Variants in CADPS observed in about 807,000 individuals in gnomAD.
CADPS encodes calcium dependent secretion activator, also known as calcium-dependent secretion activator 1.
CADPS carries 57 observed loss-of-function variants against 167.3 expected under a neutral mutation model. The ratio of observed to expected loss-of-function variants is 0.34; its 90% CI spans 0.28 to 0.42. The LOEUF (loss-of-function observed/expected upper bound fraction) is 0.42. Among genes scored for constraint, CADPS ranks in the 20% least tolerant of loss-of-function variants. CADPS has a pLI of 1.00. For synonymous variants in CADPS, 676 were observed against 635.3 expected, an observed-to-expected ratio of 1.06 and a Z score of -0.96; for missense variants, 1,414 against 1,738.1, an observed-to-expected ratio of 0.81 and a Z score of 3.32.
intron 18 of CADPS, chr3:62,498,065 T>C: frequency 2.2e-6 from 1 of 454,178 alleles, no homozygotes. Flanking sequence ...CCAGGAAAAG[T>C]CCCATTAGAA....
At chr3:62,539,782 A>G (rs753559962) in intron 11 of CADPS, among the ~76,000 whole-genome samples, 1 of 152,140 alleles carries the variant, frequency 6.6e-6, no homozygotes, top group Non-Finnish European at 1.5e-5. Flanking sequence ...TGGCATATTT[A>G]TATACTACAT....
intron 27 of CADPS, among the ~76,000 whole-genome samples, chr3:62,441,509 T>C (rs952507212): frequency 2.0e-5 from 3 of 152,158 alleles, no homozygotes; most frequent in Non-Finnish European, 4.4e-5. Flanking sequence ...AACAAAGACA[T>C]ATGCTTTGGG....
chr3:62,778,599 G>C (rs1401680030), intron 1 of CADPS, among the ~76,000 whole-genome samples: 1 of 152,108 alleles, frequency 6.6e-6, no homozygotes, highest in Non-Finnish European at 1.5e-5. Context: ...TTTAATGTCT[G>C]TCTTGCATCA....
chr3:62,773,483 C>T (rs763947006), intron 1 of CADPS, among the ~76,000 whole-genome samples: 1 of 151,730 alleles, frequency 6.6e-6, no homozygotes, highest in African/African-American at 2.4e-5. Context: ...GGGAGAATTA[C>T]GATGAGGCTG....
intron 3 of CADPS, among the ~76,000 whole-genome samples, chr3:62,749,523 C>A (rs1371712012): frequency 2.0e-5 from 3 of 152,156 alleles, no homozygotes; most frequent in Non-Finnish European, 2.9e-5. Context: ...CCAGAAAATA[C>A]AAAATTAAAC....
At chr3:62,743,517 C>T (rs771011506) in intron 3 of CADPS, among the ~76,000 whole-genome samples, 41 of 152,112 alleles carry the variant, frequency 2.7e-4, no homozygotes, top group African/African-American at 8.4e-4. Flanking sequence ...CTCCAAAGAA[C>T]AACTTTTTAA....
chr3:62,635,037 C>T (rs1038479072), intron 6 of CADPS, among the ~76,000 whole-genome samples: 2 of 152,156 alleles, frequency 1.3e-5, no homozygotes, highest in Non-Finnish European at 1.5e-5. Context: ...TTACAAATGA[C>T]AAAAATTACA....
Position 62,465,533 on chromosome 3 carries a change from A to C in CADPS, c.3553-83T>G. On this transcript the variant is annotated intron_variant, in intron 25 of 29. Coordinates refer to ENST00000383710, the MANE Select transcript of CADPS (RefSeq NM_003716.4). This position sits in a 1 kb window ranked among gnomAD's most constrained non-coding sequence, Gnocchi z 4.1. ...AAGCACATCATTTCCCCACCACATAAAGGCTGGGATCGAGCCCTCCGTTCA... is the reference window on the plus strand; with the variant it reads ...AAGCACATCATTTCCCCACCACATACAGGCTGGGATCGAGCCCTCCGTTCA... 6 of 939,806 alleles carry C rather than the reference A, an allele frequency of 6.4e-6. No homozygotes were observed. Among genetic ancestry groups the C allele is most frequent in the Non-Finnish European group, 9.8e-6 (6 of 610,804 alleles). 58.2% of individuals were successfully genotyped at this position (939,806 alleles called of 1,614,324 possible). A position where few individuals can be genotyped will look rare whatever the true frequency, so the allele number is the denominator to read the frequency against.
intron 26 of CADPS, among the ~76,000 whole-genome samples, chr3:62,462,088 C>T (rs1576378471): frequency 6.6e-6 from 1 of 152,242 alleles, no homozygotes; most frequent in Admixed American, 6.5e-5. Flanking sequence ...AAAAGAACAG[C>T]GAGTGGCTAC....
chr3:62,497,445 T>C (rs1039538966), intron 18 of CADPS, among the ~76,000 whole-genome samples: 1 of 152,306 alleles, frequency 6.6e-6, no homozygotes, highest in East Asian at 1.9e-4. Context: ...TGGAGATGAC[T>C]TTGTAGACAC....
intron 11 of CADPS, among the ~76,000 whole-genome samples, chr3:62,540,679 A>G (rs1372544196): frequency 1.3e-5 from 2 of 152,172 alleles, no homozygotes; most frequent in Admixed American, 1.3e-4. Context: ...TATGTTGTCT[A>G]TTTTAAAATA....
In CADPS at chr3:62,535,474, T is replaced by C. The variant is rs575010189; in HGVS notation, c.2103+971A>G. On this transcript the variant is annotated intron_variant, in intron 12 of 29. Coordinates refer to ENST00000383710, the MANE Select transcript of CADPS (RefSeq NM_003716.4). ...AAATAAAAATTAGAAAAAAGAAAGA[T>C]TGTCATTATACATATTAGTATCAAT... Among the ~76,000 whole-genome samples, 5 of 151,888 alleles carry C rather than the reference T, an allele frequency of 3.3e-5. No homozygotes were observed. The South Asian group carries it at 8.3e-4, about 25-fold the overall frequency.
At chr3:62,505,145 C>G (rs536479199) in intron 17 of CADPS, among the ~76,000 whole-genome samples, 1 of 152,272 alleles carries the variant, frequency 6.6e-6, no homozygotes, top group East Asian at 1.9e-4. Flanking sequence ...ATCCTGAATA[C>G]CCAGCTTCCC....
chr3:62,822,352 G>A (rs1178178675), intron 1 of CADPS, among the ~76,000 whole-genome samples: 1 of 152,092 alleles, frequency 6.6e-6, no homozygotes, highest in Admixed American at 6.5e-5. Flanking sequence ...TTCCATGTTA[G>A]ATTATACACT....
At chr3:62,845,254 G>C (rs1009038233) in intron 1 of CADPS, among the ~76,000 whole-genome samples, 1 of 152,156 alleles carries the variant, frequency 6.6e-6, no homozygotes, top group Non-Finnish European at 1.5e-5. Context: ...TTCTGTATTG[G>C]AAGACCGAGC....
chr3:62,495,601 T>G (rs2064578945), intron 18 of CADPS, among the ~76,000 whole-genome samples: 1 of 152,180 alleles, frequency 6.6e-6, no homozygotes, highest in Non-Finnish European at 1.5e-5. Context: ...GATGTGTGCT[T>G]TAGGGGTACA....
At chr3:62,551,707 T>C (rs2077345647) in intron 10 of CADPS, among the ~76,000 whole-genome samples, 1 of 152,180 alleles carries the variant, frequency 6.6e-6, no homozygotes, top group African/African-American at 2.4e-5. Context: ...ACTCACTTCA[T>C]TGCAGCCACA....
At chr3:62,725,957 C>A (rs2076674589) in intron 3 of CADPS, among the ~76,000 whole-genome samples, 1 of 151,792 alleles carries the variant, frequency 6.6e-6, no homozygotes, top group African/African-American at 2.4e-5. Context: ...TTGCTAGAAC[C>A]TGCCAGAGTC....
intron 27 of CADPS, chr3:62,440,585 G>A (rs1202556444): frequency 6.7e-6 from 1 of 149,534 alleles, no homozygotes; most frequent in African/African-American, 2.5e-5. Flanking sequence ...GGGCCTCAGA[G>A]GAGCCAACGT....
Sources: allele counts gnomAD v4.1 joint callset (sites outside exome capture counted in the v4.1 genomes callset), GRCh38; gene constraint gnomAD v4.1.1; non-coding constraint Gnocchi (gnomAD v3.1); transcripts MANE v1.5; gene names NCBI Gene and HGNC (gene_info 2026-07-23, HGNC 2026-07-21).